Variants in SKAP1 observed in about 807,000 individuals in gnomAD.
The protein encoded by SKAP1 is src kinase associated phosphoprotein 1.
A neutral mutation model predicts 58.5 loss-of-function variants in SKAP1; 44 were observed. That is an observed-to-expected ratio of 0.75 (90% CI 0.59 to 0.97). The LOEUF (loss-of-function observed/expected upper bound fraction) is 0.97, where lower values mean the gene tolerates loss of function less well. SKAP1 is among the 50% of genes least tolerant of loss of function. The pLI is 0.00. For missense variants in SKAP1, 390 were observed against 435.2 expected (o/e 0.90, Z 0.92); for synonymous variants, 127 against 149.7 (o/e 0.85, Z 1.11).
intron 4 of SKAP1, among the ~76,000 whole-genome samples, chr17:48,234,906 G>T (rs1051880816): frequency 6.6e-6 from 1 of 152,168 alleles, no homozygotes; most frequent in African/African-American, 2.4e-5. Context: ...TCAATTGCTT[G>T]CCATAAAGCT....
intron 4 of SKAP1, among the ~76,000 whole-genome samples, chr17:48,222,909 C>T (rs893138926): frequency 6.7e-6 from 1 of 150,134 alleles, no homozygotes; most frequent in South Asian, 2.1e-4. Context: ...ACTAAAAATA[C>T]AAAAATTAGC....
intron 2 of SKAP1, among the ~76,000 whole-genome samples, chr17:48,385,300 C>A (rs1285350919): frequency 7.7e-6 from 1 of 130,534 alleles, no homozygotes; most frequent in Non-Finnish European, 1.6e-5. Context: ...GCTTCTATTT[C>A]AAGAAGTTTG....
chr17:48,152,709 TA>T (rs1206120957), intron 11 of SKAP1, among the ~76,000 whole-genome samples: 4 of 152,208 alleles, frequency 2.6e-5, no homozygotes, highest in Non-Finnish European at 5.9e-5. Context: ...ATTTATGTGG[TA>T]AAAAATTACT....
intron 4 of SKAP1, among the ~76,000 whole-genome samples, chr17:48,254,475 A>G (rs769149254): frequency 8.5e-5 from 13 of 152,070 alleles, no homozygotes; most frequent in Non-Finnish European, 1.8e-4. Context: ...TCATGTCTGC[A>G]TGGGCAATAA....
At chr17:48,381,597 G>T (rs2067215354) in intron 2 of SKAP1, among the ~76,000 whole-genome samples, 1 of 152,114 alleles carries the variant, frequency 6.6e-6, no homozygotes, top group Non-Finnish European at 1.5e-5. Context: ...AATAAAATAT[G>T]GCCTCTTCTA....
At chr17:48,156,071 T>C (rs903074835) in intron 11 of SKAP1, among the ~76,000 whole-genome samples, 5 of 152,022 alleles carry the variant, frequency 3.3e-5, no homozygotes, top group African/African-American at 9.7e-5. Context: ...AACCCCCAAA[T>C]CACTTTTCCC....
At chr17:48,363,748 C>A (rs746325314) in intron 3 of SKAP1, 41 bp downstream of exon 3, 3 of 1,549,470 alleles carry the variant, frequency 1.9e-6, no homozygotes, top group Non-Finnish European at 2.7e-6. Context: ...CCCATTTACA[C>A]ATTTTTAGCA....
intron 4 of SKAP1, among the ~76,000 whole-genome samples, chr17:48,272,710 G>A (rs180971601): frequency 6.6e-6 from 1 of 150,988 alleles, no homozygotes; most frequent in African/African-American, 2.4e-5. Context: ...TGTGCACCAC[G>A]ACTCCTGGCT....
At chr17:48,368,238 TA>T (rs950171821) in intron 2 of SKAP1, among the ~76,000 whole-genome samples, 7 of 152,218 alleles carry the variant, frequency 4.6e-5, no homozygotes, top group African/African-American at 7.2e-5. Flanking sequence ...CTTGTCTTGT[TA>T]AAGATATTCC....
intron 4 of SKAP1, among the ~76,000 whole-genome samples, chr17:48,272,349 C>T (rs1371202279): frequency 5.3e-5 from 8 of 151,818 alleles, no homozygotes; most frequent in Non-Finnish European, 1.2e-4. Context: ...CCAGGCTGCT[C>T]TCGAACTCCT....
intron 11 of SKAP1, among the ~76,000 whole-genome samples, chr17:48,162,000 T>C (rs1179379257): frequency 6.6e-6 from 1 of 152,170 alleles, no homozygotes; most frequent in Non-Finnish European, 1.5e-5. Context: ...GGAGTCTTGC[T>C]CCATCGCCAG....
At chr17:48,265,088 T>A (rs2065528934) in intron 4 of SKAP1, among the ~76,000 whole-genome samples, 1 of 152,190 alleles carries the variant, frequency 6.6e-6, no homozygotes, top group African/African-American at 2.4e-5. Context: ...TTTTATAGGA[T>A]TTGTCTGTGG....
chr17:48,206,874 T>A (rs567919838), intron 4 of SKAP1, among the ~76,000 whole-genome samples: 1 of 152,262 alleles, frequency 6.6e-6, no homozygotes, highest in East Asian at 1.9e-4. Context: ...CAAGGCTGAA[T>A]TCAAACTCCT....
At position 48,396,717 on chromosome 17, in the gene SKAP1, C is replaced by T; in HGVS notation, c.115G>A (p.Asp39Asn). Residue 39 changes from aspartate (D) to asparagine (N), a missense_variant, in exon 2 of 13, where the codon GAC (aspartate) becomes AAC (asparagine). Asp to Asn is a conservative substitution (Grantham distance 23). Transcript: ENST00000336915. ...NLSAVARDHR[D>N]HILRGFQQIK... ...TGCTGAAAGCCCCGTAGAATATGGTCTCTGTGATCCCTTGCAACAGCGCTG... is the reference window on the plus strand; with the variant it reads ...TGCTGAAAGCCCCGTAGAATATGGTTTCTGTGATCCCTTGCAACAGCGCTG... The T allele has an allele frequency of 6.2e-7, 1 of 1,613,256 alleles. No individual in the cohort carries two copies.
At chr17:48,192,480 G>A (rs2064560206) in intron 4 of SKAP1, among the ~76,000 whole-genome samples, 2 of 152,046 alleles carry the variant, frequency 1.3e-5, no homozygotes, top group Non-Finnish European at 1.5e-5. Context: ...ACATTGCCTC[G>A]TGTGCAGGGA....
chr17:48,155,028 C>G (rs2063954226), intron 11 of SKAP1, among the ~76,000 whole-genome samples: 1 of 150,718 alleles, frequency 6.6e-6, no homozygotes, highest in African/African-American at 2.5e-5. Context: ...CCACTGTACT[C>G]CAGTCTCGCA....
intron 4 of SKAP1, among the ~76,000 whole-genome samples, chr17:48,295,953 C>T (rs917195741): frequency 3.3e-5 from 5 of 151,728 alleles, no homozygotes; most frequent in Admixed American, 2.6e-4. Flanking sequence ...TATACACATA[C>T]GATATATGCA....
intron 1 of SKAP1, among the ~76,000 whole-genome samples, chr17:48,404,092 A>AG (rs2067538154): frequency 6.9e-6 from 1 of 145,318 alleles, no homozygotes; most frequent in Admixed American, 6.9e-5. Flanking sequence ...CTGTCTCGGA[A>AG]AAAAAAAAAA....
chr17:48,405,372 C>A (rs540413379), intron 1 of SKAP1, among the ~76,000 whole-genome samples: 1 of 151,828 alleles, frequency 6.6e-6, no homozygotes, highest in East Asian at 1.9e-4. Flanking sequence ...ACCCAGGGTG[C>A]ATTTTCTTTT....
Sources: allele counts gnomAD v4.1 joint callset (sites outside exome capture counted in the v4.1 genomes callset), GRCh38; gene constraint gnomAD v4.1.1; transcripts MANE v1.5; gene names NCBI Gene and HGNC (gene_info 2026-07-23, HGNC 2026-07-21).